TSHZ3: variants seen among roughly 807,000 people sequenced by gnomAD.
The protein encoded by TSHZ3 is teashirt zinc finger homeobox 3.
A neutral mutation model predicts 64.5 loss-of-function variants in TSHZ3; 10 were observed. The ratio of observed to expected loss-of-function variants is 0.16; its 90% CI spans 0.10 to 0.26. The LOEUF is 0.26. Among genes scored for constraint, TSHZ3 ranks in the 10% least tolerant of loss-of-function variants. The pLI, the probability that TSHZ3 is intolerant of heterozygous loss-of-function variation, is 1.00. For synonymous variants in TSHZ3, 608 were observed against 593.1 expected (o/e 1.03, Z -0.36); for missense variants, 1,242 against 1,421.7 (o/e 0.87, Z 2.03).
chr19:31,296,831 G>A (rs543073630), intron 1 of TSHZ3, among the ~76,000 whole-genome samples: 5 of 152,136 alleles, frequency 3.3e-5, no homozygotes, highest in Non-Finnish European at 7.4e-5. Context: ...AAAGGAACAG[G>A]GGCCTCAGGT....
At chr19:31,330,880 C>T (rs578199315) in intron 1 of TSHZ3, among the ~76,000 whole-genome samples, 1 of 152,216 alleles carries the variant, frequency 6.6e-6, no homozygotes, top group South Asian at 2.1e-4. Flanking sequence ...CAGGAATCAG[C>T]ATTGACATGC....
In TSHZ3 at chr19:31,260,292, G is replaced by A. The variant is rs188327286; in HGVS notation, n.64-17417C>T. Among the ~76,000 whole-genome samples, 348 of 152,284 alleles carry A rather than the reference G, an allele frequency of 2.3e-3. 3 individuals carry two copies. The highest frequency in any genetic ancestry group is 8.0e-3 in the African/African-American group (332 of 41,554). The stretch of plus-strand genomic sequence containing the variant: ...GGTCTCTGTCAGATTCACCATCCTC[G>A]TCTATGTCTGGTCATCTCTTGTCCG... On this transcript the variant is annotated intron_variant and non_coding_transcript_variant, in intron 1 of 6. Coordinates refer to the TSHZ3 transcript ENST00000651361.
rs527561046 is a variant in TSHZ3 at position 31,210,748 on chromosome 19, A to G, written n.687-5670T>C. ...AACCTCAACAGGTTACAGATACATA[A>G]TTTGAAAGAAAACAACCTTAAGTAA... is the stretch of plus-strand genomic sequence containing the variant. On this transcript the variant is annotated intron_variant and non_coding_transcript_variant, in intron 4 of 6. Transcript: ENST00000651361. Among the ~76,000 whole-genome samples, 48 of 152,334 alleles carry G rather than the reference A, an allele frequency of 3.2e-4. 1 individual carries two copies. Among genetic ancestry groups the G allele is most frequent in the African/African-American group, 1.1e-3 (47 of 41,582 alleles).
chr19:31,169,452 A>G (rs554680169), intron 5 of TSHZ3, among the ~76,000 whole-genome samples: 4 of 152,332 alleles, frequency 2.6e-5, no homozygotes, highest in Non-Finnish European at 4.4e-5. Context: ...AGGGCTGAGA[A>G]GAAGGGGGAA....
chr19:31,346,164 T>C (rs1229882031), intron 1 of TSHZ3, among the ~76,000 whole-genome samples: 2 of 152,210 alleles, frequency 1.3e-5, no homozygotes, highest in Non-Finnish European at 2.9e-5. Flanking sequence ...CAATGATACA[T>C]TGGCCTAGAT....
At chr19:31,209,281 G>C (rs562783708) in intron 4 of TSHZ3, among the ~76,000 whole-genome samples, 2 of 152,280 alleles carry the variant, frequency 1.3e-5, no homozygotes, top group East Asian at 3.9e-4. Context: ...AAAAGTAATG[G>C]GAACAATGAA....
chr19:31,212,322 G>A (rs1454664858), intron 4 of TSHZ3, among the ~76,000 whole-genome samples: 1 of 152,050 alleles, frequency 6.6e-6, no homozygotes, highest in African/African-American at 2.4e-5. Context: ...GCCGGGCGTG[G>A]TGGTGCACAC....
chr19:31,170,250 G>A (rs952933114), intron 5 of TSHZ3, among the ~76,000 whole-genome samples: 1 of 152,150 alleles, frequency 6.6e-6, no homozygotes, highest in African/African-American at 2.4e-5. Context: ...CTGACTTGCA[G>A]ACAAGCACCT....
chr19:31,263,115 G>A (rs1298595086), intron 1 of TSHZ3, among the ~76,000 whole-genome samples: 2 of 152,020 alleles, frequency 1.3e-5, no homozygotes, highest in African/African-American at 4.8e-5. Flanking sequence ...GGTGGTGTGG[G>A]TCTCTGCCCT....
chr19:31,241,184 T>A (rs990706307), intron 3 of TSHZ3, among the ~76,000 whole-genome samples: 3 of 152,200 alleles, frequency 2.0e-5, no homozygotes, highest in Non-Finnish European at 4.4e-5. Flanking sequence ...GTTCAGTTGC[T>A]TGCACATCGT....
chr19:31,247,764 G>A (rs748103386), intron 1 of TSHZ3, among the ~76,000 whole-genome samples: 2 of 152,112 alleles, frequency 1.3e-5, no homozygotes, highest in African/African-American at 4.8e-5. Flanking sequence ...GGAAATGCAC[G>A]CTGAAGTATT....
chr19:31,181,404 TG>T (rs1450569025), intron 5 of TSHZ3, among the ~76,000 whole-genome samples: 1 of 152,122 alleles, frequency 6.6e-6, no homozygotes, highest in African/African-American at 2.4e-5. Context: ...TTTTGGAAGA[TG>T]TACCATCTGA....
chr19:31,207,081 A>C (rs1975189426), intron 4 of TSHZ3, among the ~76,000 whole-genome samples: 2 of 152,230 alleles, frequency 1.3e-5, no homozygotes, highest in Admixed American at 6.5e-5. Flanking sequence ...TAAAACCTGC[A>C]AACATAAACC....
rs3030229 is a variant in TSHZ3 at position 31,226,977 on chromosome 19, C to CTTTTTTTTTTTTTTTTTTTTTTTT, written n.686+1027_686+1028insAAAAAAAAAAAAAAAAAAAAAAAA. ...TTTTCTTCTCTTTCTTTCTTTCTTT[C>CTTTTTTTTTTTTTTTTTTTTTTTT]TTTTTTTTTTTTTTTTTTTGAGATG... On this transcript the variant is annotated intron_variant and non_coding_transcript_variant, in intron 4 of 6. Transcript: ENST00000651361. Among the ~76,000 whole-genome samples the CTTTTTTTTTTTTTTTTTTTTTTTT allele has an allele frequency of 5.5e-4, 36 of 65,680 alleles. 1 individual carries two copies. The highest frequency in any genetic ancestry group is 6.5e-4 in the Non-Finnish European group (27 of 41,452). The allele number at this position is 65,680 out of a possible 152,430, so 43.1% of individuals were successfully genotyped here.
intron 5 of TSHZ3, among the ~76,000 whole-genome samples, chr19:31,183,086 A>T (rs1974742759): frequency 1.3e-5 from 2 of 152,074 alleles, no homozygotes; most frequent in East Asian, 3.9e-4. Context: ...GAACTACAAC[A>T]TCAACCCTTC....
chr19:31,174,404 C>G (rs1282611754), intron 5 of TSHZ3, among the ~76,000 whole-genome samples: 1 of 152,168 alleles, frequency 6.6e-6, no homozygotes, highest in Non-Finnish European at 1.5e-5. Context: ...ACTGGATGAC[C>G]ACCCCACCTC....
intron 1 of TSHZ3, among the ~76,000 whole-genome samples, chr19:31,264,024 C>A (rs866994776): frequency 6.6e-5 from 10 of 152,216 alleles, no homozygotes; most frequent in Admixed American, 2.6e-4. Context: ...CTCTCCCACC[C>A]GACCAAAGAC....
At chr19:31,215,708 T>C (rs1005451149) in intron 4 of TSHZ3, among the ~76,000 whole-genome samples, 1 of 151,970 alleles carries the variant, frequency 6.6e-6, no homozygotes, top group Non-Finnish European at 1.5e-5. Context: ...CTGCCTCTAT[T>C]ACAAATAAAA....
intron 1 of TSHZ3, among the ~76,000 whole-genome samples, chr19:31,330,709 C>CG (rs397807856): frequency 1.6e-4 from 14 of 85,604 alleles, no homozygotes; most frequent in South Asian, 7.7e-4. Context: ...AATCCTTGGG[C>CG]GGGGGGAGGA....
Sources: allele counts gnomAD v4.1 joint callset (sites outside exome capture counted in the v4.1 genomes callset), GRCh38; gene constraint gnomAD v4.1.1; transcripts MANE v1.5; gene names NCBI Gene and HGNC (gene_info 2026-07-23, HGNC 2026-07-21).